MYO16: variants seen among roughly 807,000 people sequenced by gnomAD.
MYO16 encodes unconventional myosin-XVI.
Under a neutral mutation model 205.3 loss-of-function variants are expected in MYO16, and 94 were observed. The observed-to-expected ratio is 0.46, with a 90% CI of 0.39 to 0.54. The LOEUF is 0.54. MYO16 is among the 20% of genes least tolerant of loss of function. MYO16 has a pLI of 0.00. For synonymous variants in MYO16, 988 were observed against 954.0 expected, an observed-to-expected ratio of 1.04 and a Z score of -0.66; for missense variants, 2,315 against 2,387.5, an observed-to-expected ratio of 0.97 and a Z score of 0.63.
At chr13:109,133,685 T>G (rs139374218) in intron 31 of MYO16, among the ~76,000 whole-genome samples, 1 of 152,194 alleles carries the variant, frequency 6.6e-6, no homozygotes, top group Non-Finnish European at 1.5e-5. Flanking sequence ...TCTTCCCTAC[T>G]TCATCTCATT....
intron 16 of MYO16, among the ~76,000 whole-genome samples, chr13:108,940,222 A>G (rs1194248409): frequency 6.6e-6 from 1 of 152,184 alleles, no homozygotes; most frequent in East Asian, 1.9e-4. Flanking sequence ...CAGATATCAC[A>G]TTGAGTAGCT....
intron 16 of MYO16, among the ~76,000 whole-genome samples, chr13:108,944,130 CT>C (rs1363071975): frequency 6.6e-6 from 1 of 152,166 alleles, no homozygotes; most frequent in African/African-American, 2.4e-5. Flanking sequence ...TAGATTTCTT[CT>C]TTCTCTGCTG....
intron 1 of MYO16, among the ~76,000 whole-genome samples, chr13:108,636,346 CTTTTTTTTTTTTTTTTTTT>C (rs71125326): frequency 0.096 from 7,819 of 81,578 alleles, 331 homozygotes; most frequent in South Asian, 0.22. Context: ...AAATATTTCC[CTTTTTTTTTTTTTTTTTTT>C]TTTTTGTGTG....
At chr13:109,118,095 A>G (rs750636530) in intron 28 of MYO16, among the ~76,000 whole-genome samples, 4 of 152,134 alleles carry the variant, frequency 2.6e-5, no homozygotes, top group Non-Finnish European at 5.9e-5. Context: ...GCCCTGGGAA[A>G]TTCCTGCTTA....
chr13:109,148,000 A>G (rs1877433829), intron 32 of MYO16, among the ~76,000 whole-genome samples: 1 of 152,028 alleles, frequency 6.6e-6, no homozygotes, highest in African/African-American at 2.4e-5. Flanking sequence ...CAAGAAGAGA[A>G]TATGTCTCTT....
At chr13:108,819,823 G>A (rs1455179810) in intron 7 of MYO16, among the ~76,000 whole-genome samples, 1 of 152,114 alleles carries the variant, frequency 6.6e-6, no homozygotes, top group Non-Finnish European at 1.5e-5. Context: ...TCGATGAATT[G>A]CTCAATTAAA....
At chr13:109,129,810 G>T (rs1156361917) in intron 31 of MYO16, among the ~76,000 whole-genome samples, 1 of 152,036 alleles carries the variant, frequency 6.6e-6, no homozygotes, top group Non-Finnish European at 1.5e-5. Flanking sequence ...GCTCTAGAAA[G>T]TTGCATAAAT....
chr13:108,626,567 G>C (rs576357846), upstream of MYO16, among the ~76,000 whole-genome samples: 1 of 151,962 alleles, frequency 6.6e-6, no homozygotes, highest in African/African-American at 2.4e-5. Flanking sequence ...CAGCACTTTG[G>C]GAAGCCAAGG....
intron 27 of MYO16, among the ~76,000 whole-genome samples, chr13:109,065,880 G>A (rs1887733274): frequency 6.6e-6 from 1 of 152,184 alleles, no homozygotes; most frequent in Admixed American, 6.5e-5. Context: ...ACTAAATGGA[G>A]AAGTTTACTA....
chr13:109,052,004 C>A (rs564150690), intron 24 of MYO16, among the ~76,000 whole-genome samples: 9 of 152,134 alleles, frequency 5.9e-5, no homozygotes, highest in Admixed American at 5.9e-4. Context: ...TAGGTCTGAG[C>A]AGGTAAGATT....
the MYO16 span, among the ~76,000 whole-genome samples, chr13:108,510,486 ATTGT>A: frequency 5.9e-5 from 1 of 16,890 alleles, no homozygotes; most frequent in African/African-American, 2.4e-4. Context: ...TTTTTTTTTT[ATTGT>A]ACTTTAAGTT....
chr13:108,793,808 C>T (rs1886698391), intron 6 of MYO16, among the ~76,000 whole-genome samples, 168 bp downstream of exon 6: 1 of 152,088 alleles, frequency 6.6e-6, no homozygotes, highest in South Asian at 2.1e-4. Context: ...GAAGAAAATG[C>T]AGACCCGGCA....
At chr13:109,025,145 C>G (rs534807224) in intron 23 of MYO16, among the ~76,000 whole-genome samples, 11 of 152,136 alleles carry the variant, frequency 7.2e-5, no homozygotes, top group African/African-American at 2.7e-4. Flanking sequence ...ACCACTTGCT[C>G]CTCCACGATG....
At chr13:108,771,193 A>G (rs1885951435) in intron 4 of MYO16, among the ~76,000 whole-genome samples, 1 of 152,194 alleles carries the variant, frequency 6.6e-6, no homozygotes, top group Non-Finnish European at 1.5e-5. Context: ...AGATATATAC[A>G]CGGGGGGAGA....
At chr13:108,648,849 C>CAGA (rs1386062465) in intron 1 of MYO16, among the ~76,000 whole-genome samples, 1 of 151,956 alleles carries the variant, frequency 6.6e-6, no homozygotes, top group Non-Finnish European at 1.5e-5. Flanking sequence ...CCAGTGGCTT[C>CAGA]ATGTATTGCT....
At chr13:109,031,805 G>A (rs1292882720) in intron 23 of MYO16, among the ~76,000 whole-genome samples, 1 of 152,124 alleles carries the variant, frequency 6.6e-6, no homozygotes, top group Non-Finnish European at 1.5e-5. Flanking sequence ...TCTGGTCTCT[G>A]TCTAGTCATA....
intron 27 of MYO16, among the ~76,000 whole-genome samples, chr13:109,065,935 A>T (rs778081778): frequency 1.5e-4 from 23 of 152,346 alleles, no homozygotes; most frequent in Non-Finnish European, 3.1e-4. Context: ...GGACTTGTCA[A>T]TGAAAGCACC....
intron 9 of MYO16, among the ~76,000 whole-genome samples, chr13:108,834,604 T>C (rs1876798502): frequency 6.6e-6 from 1 of 151,970 alleles, no homozygotes. Context: ...TTTTTCCTTT[T>C]GCCCTTTATG....
intron 20 of MYO16, among the ~76,000 whole-genome samples, chr13:108,980,476 G>A (rs1432970788): frequency 6.6e-6 from 1 of 152,074 alleles, no homozygotes; most frequent in Non-Finnish European, 1.5e-5. Context: ...TGGCAGTTCT[G>A]CCAGAATAAA....
Sources: allele counts gnomAD v4.1 joint callset (sites outside exome capture counted in the v4.1 genomes callset), GRCh38; gene constraint gnomAD v4.1.1; transcripts MANE v1.5; gene names NCBI Gene and HGNC (gene_info 2026-07-23, HGNC 2026-07-21).